The following MBD5 variants were observed in gnomAD, a reference collection of about 807,000 sequenced individuals.
MBD5 encodes methyl-CpG-binding domain protein 5.
Under a neutral mutation model 117.3 loss-of-function variants are expected in MBD5, and 13 were observed. That is an observed-to-expected ratio of 0.11 (90% confidence interval 0.07 to 0.18). MBD5 has a LOEUF of 0.18. Among genes scored for constraint, MBD5 ranks in the 10% least tolerant of loss-of-function variants. The probability of loss-of-function intolerance (pLI) is 1.00; values close to 1 mark genes in which losing one functional copy is unlikely to be tolerated. For synonymous variants in MBD5, 727 were observed against 766.4 expected (o/e 0.95, Z 0.85); for missense variants, 1,879 against 2,093.8 (o/e 0.90, Z 2.00).
chr2:148,239,621 A>G (rs1308798491), intron 3 of MBD5, among the ~76,000 whole-genome samples: 2 of 151,910 alleles, frequency 1.3e-5, no homozygotes, highest in Non-Finnish European at 2.9e-5. Context: ...TATGGGTTAT[A>G]TTATGGGTAA....
rs550898889 is a variant in MBD5 at position 148,494,818 on chromosome 2, C to G, written c.4962+4224C>G. On this transcript the variant is annotated intron_variant, in intron 11 of 13. Transcript: ENST00000642680. ...CTACTAAAAAATACAAAAGAATTAG[C>G]CGGGGGTGGTGGCGGGTGCCTGTAG... 9.2e-5 allele frequency among the ~76,000 whole-genome samples: 14 copies of G among 152,176 alleles called. No homozygotes were observed. The South Asian group carries it at 2.9e-3, about 32-fold the overall frequency.
intron 1 of MBD5, among the ~76,000 whole-genome samples, chr2:148,149,174 G>A (rs13002357): frequency 0.32 from 45,377 of 141,854 alleles, 7,968 homozygotes; most frequent in East Asian, 0.46. Flanking sequence ...CCACCTATGA[G>A]TGAGAATATG....
At chr2:148,196,021 T>G (rs1698977592) in intron 2 of MBD5, among the ~76,000 whole-genome samples, 1 of 152,204 alleles carries the variant, frequency 6.6e-6, no homozygotes, top group Non-Finnish European at 1.5e-5. Context: ...ATCTTGATGA[T>G]GACAGCCCTC....
intron 1 of MBD5, among the ~76,000 whole-genome samples, chr2:148,143,605 C>T (rs1574059733): frequency 6.6e-6 from 1 of 152,216 alleles, no homozygotes; most frequent in East Asian, 1.9e-4. Flanking sequence ...GGCTATATCT[C>T]CTAATACCCA....
At chr2:148,130,085 A>G (rs1382102340) in intron 1 of MBD5, among the ~76,000 whole-genome samples, 1 of 152,242 alleles carries the variant, frequency 6.6e-6, no homozygotes, top group East Asian at 1.9e-4. Flanking sequence ...ACTTCATTAT[A>G]GAACCATGAA....
At chr2:148,265,400 T>C (rs1185294741) in intron 3 of MBD5, among the ~76,000 whole-genome samples, 1 of 152,174 alleles carries the variant, frequency 6.6e-6, no homozygotes, top group Non-Finnish European at 1.5e-5. Context: ...AAATTCACAA[T>C]GTATTCTAAA....
At chr2:148,345,171 GAT>G (rs534779115) in intron 4 of MBD5, among the ~76,000 whole-genome samples, 1 of 150,630 alleles carries the variant, frequency 6.6e-6, no homozygotes, top group Non-Finnish European at 1.5e-5. Flanking sequence ...GAACTAATAG[GAT>G]ATATATATGT....
intron 2 of MBD5, among the ~76,000 whole-genome samples, chr2:148,183,686 TA>T (rs1053786761): frequency 6.6e-6 from 1 of 152,102 alleles, no homozygotes; most frequent in African/African-American, 2.4e-5. Context: ...GTTGGCTATT[TA>T]AAAAAACAGC....
intron 4 of MBD5, among the ~76,000 whole-genome samples, chr2:148,397,392 C>G (rs1196470698): frequency 6.8e-6 from 1 of 146,312 alleles, no homozygotes; most frequent in African/African-American, 2.5e-5. Flanking sequence ...AGCAGTGGCA[C>G]GATCTCGGCT....
At chr2:148,505,716 G>T (rs577121290) in intron 12 of MBD5, among the ~76,000 whole-genome samples, 18 of 152,122 alleles carry the variant, frequency 1.2e-4, no homozygotes, top group Non-Finnish European at 7.4e-5. Flanking sequence ...GAAAAATAAC[G>T]AAGAAAGAAT....
chr2:148,143,247 G>A (rs747400548), intron 1 of MBD5, among the ~76,000 whole-genome samples: 7 of 152,120 alleles, frequency 4.6e-5, no homozygotes, highest in Non-Finnish European at 8.8e-5. Flanking sequence ...TTTGCTTAAA[G>A]TCGCAATTTC....
In MBD5 at chr2:148,468,740, T is replaced by G. The variant is rs2105626027; in HGVS notation, c.797T>G (p.Ile266Ser). 1.9e-6 allele frequency: 3 copies of G among 1,613,950 alleles called. No homozygotes were observed. The highest frequency in any genetic ancestry group is 2.5e-6 in the Non-Finnish European group (3 of 1,179,910). ...GFHGAPNSSP[I>S]HLNRTPLSPP... ...CATGGAGCTCCCAATTCTAGTCCTA[T>G]TCACCTGAATAGGACTCCTCTTTCT... Residue 266 changes from isoleucine to serine, a missense_variant, in exon 8 of 14, where the codon ATT (isoleucine) becomes AGT (serine). Around this residue, in one of 4 missense-constraint regions of MBD5, gnomAD observed 1,666 missense variants for 1,792.2 expected, o/e 0.93. Transcript: ENST00000642680.
At chr2:148,303,534 T>C (rs1701821668) in intron 3 of MBD5, among the ~76,000 whole-genome samples, 1 of 152,220 alleles carries the variant, frequency 6.6e-6, no homozygotes. Flanking sequence ...TCTGTCCACA[T>C]CATTTCTTAG....
At chr2:148,091,208 A>G (rs558158032) in intron 1 of MBD5, among the ~76,000 whole-genome samples, 2 of 152,288 alleles carry the variant, frequency 1.3e-5, no homozygotes, top group African/African-American at 4.8e-5. Flanking sequence ...GGTAGAATCA[A>G]TGTTCTGAAA....
At chr2:148,354,748 C>G (rs1177711438) in intron 4 of MBD5, among the ~76,000 whole-genome samples, 1 of 152,194 alleles carries the variant, frequency 6.6e-6, no homozygotes, top group African/African-American at 2.4e-5. Context: ...AAAAGCATTC[C>G]TATTTCTCCA....
intron 1 of MBD5, among the ~76,000 whole-genome samples, chr2:148,130,011 T>G (rs527645211): frequency 1.3e-5 from 2 of 152,296 alleles, no homozygotes; most frequent in South Asian, 4.1e-4. Context: ...CAAATACAGT[T>G]TTCAAATTTA....
At chr2:148,510,216 A>G (rs1184005751) in intron 13 of MBD5, 81 bp downstream of exon 13, 16 of 1,006,334 alleles carry the variant, frequency 1.6e-5, no homozygotes, top group Non-Finnish European at 2.0e-5. Context: ...TCTCTTGAGT[A>G]TTGTCAAACA....
intron 3 of MBD5, among the ~76,000 whole-genome samples, chr2:148,334,213 C>T (rs939016527): frequency 6.6e-6 from 1 of 152,146 alleles, no homozygotes; most frequent in Non-Finnish European, 1.5e-5. Context: ...CTTATCATTA[C>T]CAACTGCTGG....
At chr2:148,151,613 T>A (rs1697670308) in intron 1 of MBD5, among the ~76,000 whole-genome samples, 2 of 152,202 alleles carry the variant, frequency 1.3e-5, no homozygotes, top group South Asian at 2.1e-4. Context: ...TTGCCACAAT[T>A]TCAGATCCTG....
Sources: allele counts gnomAD v4.1 joint callset (sites outside exome capture counted in the v4.1 genomes callset), GRCh38; gene constraint gnomAD v4.1.1; regional missense constraint gnomAD v4.1.1; transcripts MANE v1.5; gene names NCBI Gene and HGNC (gene_info 2026-07-23, HGNC 2026-07-21).